The following OPRM1 variants were observed in gnomAD, a reference collection of about 807,000 sequenced individuals.
The protein encoded by OPRM1 is mu-type opioid receptor.
Under a neutral mutation model 31.8 loss-of-function variants are expected in OPRM1, and 27 were observed. That is an observed-to-expected ratio of 0.85 (90% CI 0.63 to 1.17). OPRM1 has a LOEUF of 1.17. OPRM1 is among the 50% of genes most tolerant of loss of function. The pLI is 0.00. For synonymous variants in OPRM1, 196 were observed against 189.9 expected, an observed-to-expected ratio of 1.03 and a Z score of -0.26; for missense variants, 536 against 511.1, an observed-to-expected ratio of 1.05 and a Z score of -0.47.
intron 3 of OPRM1, among the ~76,000 whole-genome samples, chr6:154,103,622 C>A (rs918580560): frequency 6.6e-6 from 1 of 152,130 alleles, no homozygotes. Flanking sequence ...ATAGCTACTC[C>A]ATAGAGCAGC....
chr6:154,171,868 T>A (rs1234784296), intron 3 of OPRM1, among the ~76,000 whole-genome samples: 2 of 152,170 alleles, frequency 1.3e-5, no homozygotes, highest in East Asian at 3.8e-4. Context: ...TTTAAAAAAA[T>A]ACAGCTAACA....
chr6:154,226,886 A>G (rs28672815), intron 3 of OPRM1, among the ~76,000 whole-genome samples: 2,336 of 152,234 alleles, frequency 0.015, 25 homozygotes, highest in Middle Eastern at 0.041. Context: ...AAACAGAAAA[A>G]TCAAAAACAA....
At chr6:154,088,433 T>C (rs1053489243) in intron 1 of OPRM1, among the ~76,000 whole-genome samples, 2 of 152,198 alleles carry the variant, frequency 1.3e-5, no homozygotes, top group Non-Finnish European at 2.9e-5. Flanking sequence ...TTTTTTTCTG[T>C]AAAGTGCAAG....
At chr6:154,112,765 G>A (rs558316924) in intron 3 of OPRM1, among the ~76,000 whole-genome samples, 2 of 152,226 alleles carry the variant, frequency 1.3e-5, no homozygotes, top group African/African-American at 4.8e-5. Context: ...ATTTTTATAC[G>A]ATTATGCCAC....
Position 154,126,967 on chromosome 6 carries a change from G to A in OPRM1, c.*8246G>A, listed in dbSNP as rs2128530436. Among the ~76,000 whole-genome samples, 1 of 152,242 alleles carries A rather than the reference G, an allele frequency of 6.6e-6. No individual in the cohort carries two copies. Among genetic ancestry groups the A allele is most frequent in the Admixed American group, 6.5e-5 (1 of 15,292 alleles). On this transcript the variant is annotated 3_prime_UTR_variant, in exon 4 of 4. Transcript: ENST00000330432. The stretch of plus-strand genomic sequence containing the variant: ...TCTACTAAAAATACAAAATTAGGAA[G>A]GCGTGGTGGTGCACGCCTGTAATCC...
At position 154,090,964 on chromosome 6, in the gene OPRM1, G is replaced by A; in HGVS notation, c.656G>A (p.Cys219Tyr). ...TTKYRQGSIDCTLTFSHPTWY... is the reference protein window; with the variant it reads ...TTKYRQGSIDYTLTFSHPTWY... ...TCCTTTCTTCTAGGTTCCATAGATTGTACACTAACATTCTCTCATCCAACC... is the reference window on the plus strand; with the variant it reads ...TCCTTTCTTCTAGGTTCCATAGATTATACACTAACATTCTCTCATCCAACC... The change falls in exon 3 of 4, where the codon TGT becomes TAT. Residue 219 changes from cysteine to tyrosine, a missense_variant. Transcript: ENST00000330432. 1 of 1,613,380 alleles carries A rather than the reference G, an allele frequency of 6.2e-7. No individual in the cohort carries two copies. Among genetic ancestry groups the A allele is most frequent in the Non-Finnish European group, 8.5e-7 (1 of 1,179,650 alleles).
rs964380831 is a variant in OPRM1 at position 154,242,882 on chromosome 6, C to T, written c.1165-3811C>T. Among the ~76,000 whole-genome samples, 26 of 60,962 alleles carry T rather than the reference C, an allele frequency of 4.3e-4. 1 individual carries two copies. The Admixed American group carries it at 4.4e-3, about 10-fold the overall frequency. 40.0% of individuals were successfully genotyped at this position (60,962 alleles called of 152,430 possible). A position where few individuals can be genotyped will look rare whatever the true frequency, so the allele number is the denominator to read the frequency against. ...CAGCCTGGGCCATAGAGCAAGACTC[C>T]GTCTCAAAGAAAAGAAAAGAAAAGT... On this transcript the variant is annotated intron_variant, in intron 3 of 3. Coordinates refer to the OPRM1 transcript ENST00000337049.
intron 3 of OPRM1, among the ~76,000 whole-genome samples, chr6:154,203,756 C>A (rs1012868422): frequency 1.3e-5 from 2 of 152,138 alleles, no homozygotes; most frequent in African/African-American, 4.8e-5. Context: ...TTTTCACCTC[C>A]ATTTTTTGCC....
chr6:154,053,594 C>T (rs769298141), intron 1 of OPRM1, among the ~76,000 whole-genome samples: 11 of 152,160 alleles, frequency 7.2e-5, no homozygotes, highest in Non-Finnish European at 1.6e-4. Context: ...CTTATAATCC[C>T]TTGACTTCTT....
Position 154,039,355 on chromosome 6 carries a change from G to T in OPRM1, c.-190G>T. 6.5e-7 allele frequency: 1 copy of T among 1,545,754 alleles called. No homozygotes were observed. The highest frequency in any genetic ancestry group is 8.7e-7 in the Non-Finnish European group (1 of 1,143,364). The stretch of plus-strand genomic sequence containing the variant: ...AGGTGGGAGGGGGCTATACGCAGAG[G>T]AGAATGTCAGATGCTCAGCTCGGTC... On this transcript the variant is annotated 5_prime_UTR_variant, in exon 1 of 4. Transcript: ENST00000330432.
At chr6:154,059,582 C>T (rs1784004926) in intron 1 of OPRM1, among the ~76,000 whole-genome samples, 1 of 146,538 alleles carries the variant, frequency 6.8e-6, no homozygotes, top group Admixed American at 6.7e-5. Context: ...CTTTTTTACA[C>T]TTAAAAAAAA....
At chr6:154,148,918 A>G (rs965261139) in intron 3 of OPRM1, among the ~76,000 whole-genome samples, 16 of 152,308 alleles carry the variant, frequency 1.1e-4, no homozygotes, top group Admixed American at 3.9e-4. Flanking sequence ...CACAGAGGCC[A>G]TGATATTTTT....
At chr6:154,220,955 T>G (rs529990532) in intron 3 of OPRM1, among the ~76,000 whole-genome samples, 11 of 152,266 alleles carry the variant, frequency 7.2e-5, no homozygotes, top group Non-Finnish European at 1.3e-4. Context: ...CATAATACTT[T>G]CAAGCCTCTC....
intron 1 of OPRM1, among the ~76,000 whole-genome samples, chr6:154,069,569 A>G (rs1423340372): frequency 1.3e-5 from 2 of 152,140 alleles, no homozygotes; most frequent in African/African-American, 2.4e-5. Flanking sequence ...TAGCCAGAAA[A>G]TCATTGCAGA....
chr6:154,080,429 T>C (rs1006118075), intron 1 of OPRM1, among the ~76,000 whole-genome samples: 3 of 152,194 alleles, frequency 2.0e-5, no homozygotes, highest in African/African-American at 7.2e-5. Context: ...AAAAACCAGA[T>C]CCTCTACTTA....
chr6:154,047,438 T>TTCTCTC (rs61704475), intron 1 of OPRM1, among the ~76,000 whole-genome samples: 32 of 146,578 alleles, frequency 2.2e-4, no homozygotes, highest in East Asian at 1.0e-3. Context: ...GTGGGCAAAA[T>TTCTCTC]TCTCTCTCTC....
chr6:154,138,141 G>A (rs1045053111), intron 3 of OPRM1, among the ~76,000 whole-genome samples: 3 of 151,838 alleles, frequency 2.0e-5, no homozygotes, highest in African/African-American at 4.8e-5. Context: ...TTACTCCTTC[G>A]ACTTACTAGC....
At chr6:154,084,424 C>CAG (rs770424423) in intron 1 of OPRM1, among the ~76,000 whole-genome samples, 4 of 151,586 alleles carry the variant, frequency 2.6e-5, no homozygotes, top group South Asian at 2.1e-4. Flanking sequence ...GACAGACAGA[C>CAG]ACACACACAC....
At chr6:154,218,108 G>C (rs899748962) in intron 3 of OPRM1, among the ~76,000 whole-genome samples, 2 of 152,264 alleles carry the variant, frequency 1.3e-5, no homozygotes, top group East Asian at 3.9e-4. Flanking sequence ...CATCATGGCA[G>C]CAGGAAAACA....
Sources: gnomAD v4.1 joint callset for allele counts (sites outside exome capture counted in the v4.1 genomes callset) on GRCh38, gnomAD v4.1.1 for gene constraint, MANE v1.5 for transcripts, NCBI Gene and HGNC (gene_info 2026-07-23, HGNC 2026-07-21) for gene names.